Variants in GPR39 observed in about 807,000 individuals in gnomAD.
The protein encoded by GPR39 is G protein-coupled receptor 39, also known as zinc sensing receptor.
In GPR39, 23 loss-of-function variants were observed where a neutral mutation model predicts 18.4. That is an observed-to-expected ratio of 1.25 (90% CI 0.90 to 1.77). The LOEUF (loss-of-function observed/expected upper bound fraction) is 1.77, where lower values mean the gene tolerates loss of function less well. Ranked by LOEUF, GPR39 falls within the 40% of genes most tolerant of loss-of-function variation. The probability of loss-of-function intolerance (pLI) is 0.00; values close to 1 mark genes in which losing one functional copy is unlikely to be tolerated. For synonymous variants in GPR39, 280 were observed against 257.9 expected, an observed-to-expected ratio of 1.09 and a Z score of -0.82; for missense variants, 647 against 602.4, an observed-to-expected ratio of 1.07 and a Z score of -0.78.
At chr2:132,624,580 C>T (rs1259946355) in intron 1 of GPR39, among the ~76,000 whole-genome samples, 1 of 152,186 alleles carries the variant, frequency 6.6e-6, no homozygotes, top group Non-Finnish European at 1.5e-5. Flanking sequence ...GCTTTGTGTC[C>T]TCTTGTACTT....
At chr2:132,486,235 C>T (rs1171415187) in intron 1 of GPR39, among the ~76,000 whole-genome samples, 1 of 152,130 alleles carries the variant, frequency 6.6e-6, no homozygotes, top group Admixed American at 6.5e-5. Flanking sequence ...CTTTGTTGTT[C>T]CATTCATAGA....
At chr2:132,437,338 G>A (rs1320546778) in intron 1 of GPR39, among the ~76,000 whole-genome samples, 2 of 152,192 alleles carry the variant, frequency 1.3e-5, no homozygotes, top group East Asian at 3.9e-4. Context: ...TCATGAGTAA[G>A]TCTGACATAC....
At chr2:132,467,524 A>G (rs554570105) in intron 1 of GPR39, among the ~76,000 whole-genome samples, 13 of 152,346 alleles carry the variant, frequency 8.5e-5, no homozygotes, top group Non-Finnish European at 1.8e-4. Flanking sequence ...CAGTATAGCC[A>G]GGAAACAAAC....
At chr2:132,426,948 G>A (rs1397576456) in intron 1 of GPR39, among the ~76,000 whole-genome samples, 2 of 151,896 alleles carry the variant, frequency 1.3e-5, no homozygotes, top group Non-Finnish European at 2.9e-5. Context: ...CATTAAACTT[G>A]CAGAGAGAAG....
Position 132,417,303 on chromosome 2 carries a change from G to T in GPR39, c.261G>T (p.Met87Ile), listed in dbSNP as rs1395843597. Residue 87 changes from methionine to isoleucine, a missense_variant, in exon 1 of 2, where the codon ATG becomes ATT. Met to Ile is a conservative substitution (Grantham distance 10, BLOSUM62 1). Coordinates refer to ENST00000329321, the MANE Select transcript of GPR39 (RefSeq NM_001508.3). ...ACATCTTGGTGTTCCTCATCGGCAT[G>T]CCCATGGAGTTCTACAGCATCATCT... ...CSDILVFLIG[M>I]PMEFYSIIWN... The T allele has an allele frequency of 6.2e-7, 1 of 1,614,026 alleles. No homozygotes were observed. Among genetic ancestry groups the T allele is most frequent in the African/African-American group, 1.3e-5 (1 of 74,924 alleles).
At chr2:132,455,916 G>A (rs1244751229) in intron 1 of GPR39, among the ~76,000 whole-genome samples, 1 of 152,144 alleles carries the variant, frequency 6.6e-6, no homozygotes. Context: ...GTCAGTTTTA[G>A]GATAAGTGTG....
intron 1 of GPR39, among the ~76,000 whole-genome samples, chr2:132,533,827 A>T: frequency 1.3e-5 from 2 of 152,164 alleles, no homozygotes; most frequent in African/African-American, 4.8e-5. Context: ...CTTACACCTT[A>T]TACAAAAATT....
intron 1 of GPR39, among the ~76,000 whole-genome samples, chr2:132,512,973 G>C (rs928319261): frequency 1.3e-5 from 2 of 152,136 alleles, no homozygotes; most frequent in South Asian, 2.1e-4. Context: ...ATGATTCTGC[G>C]GGTTGACTGG....
chr2:132,553,379 GTATA>G (rs201172843), intron 1 of GPR39, among the ~76,000 whole-genome samples: 2 of 138,674 alleles, frequency 1.4e-5, no homozygotes, highest in Non-Finnish European at 3.2e-5. Context: ...ATATATGTGT[GTATA>G]TATATAGTGT....
At chr2:132,591,268 AAAAAAAAAAC>A (rs1392854524) in intron 1 of GPR39, among the ~76,000 whole-genome samples, 13 of 121,884 alleles carry the variant, frequency 1.1e-4, no homozygotes, top group Non-Finnish European at 1.8e-4. Flanking sequence ...AAAAAAAAAA[AAAAAAAAAAC>A]AAAAAAAAAC....
chr2:132,627,331 T>A (rs1361523178), intron 1 of GPR39, among the ~76,000 whole-genome samples: 1 of 152,182 alleles, frequency 6.6e-6, no homozygotes, highest in African/African-American at 2.4e-5. Flanking sequence ...TAGGCAGGCA[T>A]GAAAACTGCT....
intron 1 of GPR39, among the ~76,000 whole-genome samples, chr2:132,463,389 A>G (rs1299166548): frequency 6.6e-6 from 1 of 150,660 alleles, no homozygotes; most frequent in Non-Finnish European, 1.5e-5. Context: ...TGAAAGATAC[A>G]AGATTCATTA....
At chr2:132,615,081 G>T (rs190069470) in intron 1 of GPR39, among the ~76,000 whole-genome samples, 100 of 152,154 alleles carry the variant, frequency 6.6e-4, no homozygotes, top group African/African-American at 2.3e-3. Context: ...CATGTGTCTT[G>T]GTTGCTTTGC....
At chr2:132,610,858 C>T (rs994263840) in intron 1 of GPR39, among the ~76,000 whole-genome samples, 4 of 151,610 alleles carry the variant, frequency 2.6e-5, no homozygotes, top group African/African-American at 9.7e-5. Flanking sequence ...TCATGGCTTC[C>T]AAGGCCCCTG....
At position 132,645,977 on chromosome 2, in the gene GPR39, A is replaced by G; in HGVS notation, c.*371A>G. The G allele has an allele frequency of 8.3e-7, 1 of 1,202,784 alleles. No individual in the cohort carries two copies. The highest frequency in any genetic ancestry group is 1.5e-5 in the African/African-American group (1 of 64,718). 74.5% of individuals were successfully genotyped at this position (1,202,784 alleles called of 1,614,324 possible). On this transcript the variant is annotated 3_prime_UTR_variant, in exon 2 of 2. Coordinates refer to ENST00000329321, the MANE Select transcript of GPR39 (RefSeq NM_001508.3). ...AAGGACACCCAGAAGAAACTCACTC[A>G]GGGAGGTGGGGGGTTGGGGGCGAGG...
intron 1 of GPR39, chr2:132,523,484 A>C (rs1464242280): frequency 6.6e-6 from 1 of 152,172 alleles, no homozygotes; most frequent in Non-Finnish European, 1.5e-5. Flanking sequence ...GTAGAAAAAA[A>C]AAAGGAGTCC....
chr2:132,612,946 C>T (rs898261196), intron 1 of GPR39, among the ~76,000 whole-genome samples: 1 of 152,110 alleles, frequency 6.6e-6, no homozygotes, highest in African/African-American at 2.4e-5. Context: ...TGGTATACCC[C>T]TGTTCATTTA....
At chr2:132,605,767 A>G (rs1573694181) in intron 1 of GPR39, among the ~76,000 whole-genome samples, 1 of 152,180 alleles carries the variant, frequency 6.6e-6, no homozygotes, top group Non-Finnish European at 1.5e-5. Flanking sequence ...TGAGCAGCAG[A>G]AGATTGCAGC....
chr2:132,538,860 A>G (rs1010006533), intron 1 of GPR39, among the ~76,000 whole-genome samples: 1 of 152,144 alleles, frequency 6.6e-6, no homozygotes, highest in African/African-American at 2.4e-5. Context: ...CCTTAGCACT[A>G]TCAGGGGGAA....
Sources: gnomAD v4.1 joint callset for allele counts (sites outside exome capture counted in the v4.1 genomes callset) on GRCh38, gnomAD v4.1.1 for gene constraint, MANE v1.5 for transcripts, NCBI Gene and HGNC (gene_info 2026-07-23, HGNC 2026-07-21) for gene names.